RASAL2: variants seen among roughly 807,000 people sequenced by gnomAD.
RASAL2 encodes RAS protein activator like 2.
In RASAL2, 58 loss-of-function variants were observed where a neutral mutation model predicts 128.9. The observed-to-expected ratio is 0.45, with a 90% CI of 0.36 to 0.56. The LOEUF (loss-of-function observed/expected upper bound fraction) is 0.56, where lower values mean the gene tolerates loss of function less well. Ranked by LOEUF, RASAL2 falls within the 20% of genes least tolerant of loss-of-function variation. The pLI, the probability that RASAL2 is intolerant of heterozygous loss-of-function variation, is 0.00. For missense variants in RASAL2, 1,360 were observed against 1,601.6 expected, an observed-to-expected ratio of 0.85 and a Z score of 2.57; for synonymous variants, 561 against 580.8, an observed-to-expected ratio of 0.97 and a Z score of 0.49.
At chr1:178,458,722 T>C (rs1297191317) in intron 14 of RASAL2, among the ~76,000 whole-genome samples, 178 bp downstream of exon 14, 1 of 152,192 alleles carries the variant, frequency 6.6e-6, no homozygotes, top group African/African-American at 2.4e-5. Context: ...GACTACAGAA[T>C]GTAGTTTGAC....
At chr1:178,449,031 G>T (rs1459245457) in intron 9 of RASAL2, among the ~76,000 whole-genome samples, 1 of 152,140 alleles carries the variant, frequency 6.6e-6, no homozygotes, top group African/African-American at 2.4e-5. Context: ...CAGGACAGGG[G>T]CTGTATTGTC....
chr1:178,407,553 C>A (rs1674073865), intron 4 of RASAL2, among the ~76,000 whole-genome samples: 1 of 152,112 alleles, frequency 6.6e-6, no homozygotes, highest in South Asian at 2.1e-4. Context: ...CACCTGGGTC[C>A]TTTCTAGTTG....
chr1:178,445,526 G>C lies in RASAL2; in HGVS notation c.1491G>C (p.Leu497=), dbSNP rs1481468311. 1.2e-6 allele frequency: 2 copies of C among 1,613,004 alleles called. No homozygotes were observed. The highest frequency in any genetic ancestry group is 2.2e-5 in the South Asian group (2 of 90,858). ...LQSTGRAKDF[L]TDLVMSEVDR... is the part of the protein sequence containing the mutation. Reference sequence around the variant, plus strand: ...GAACATTATTCTACCAGGATTTTCTGACTGACTTGGTGATGTCTGAGGTGG... The same window carrying C: ...GAACATTATTCTACCAGGATTTTCTCACTGACTTGGTGATGTCTGAGGTGG... Residue 497 remains leucine (L), a synonymous_variant, in exon 9 of 18, where the codon CTG becomes CTC. Coordinates refer to ENST00000367649, the MANE Select transcript of RASAL2 (RefSeq NM_170692.4).
At chr1:178,102,593 A>G (rs1265891079) in intron 1 of RASAL2, among the ~76,000 whole-genome samples, 2 of 152,156 alleles carry the variant, frequency 1.3e-5, no homozygotes, top group Non-Finnish European at 2.9e-5. Flanking sequence ...TTTTTGTATT[A>G]ATACATATTT....
intron 1 of RASAL2, among the ~76,000 whole-genome samples, chr1:178,125,954 G>T (rs1558067631): frequency 6.6e-6 from 1 of 152,170 alleles, no homozygotes; most frequent in South Asian, 2.1e-4. Flanking sequence ...AGGAGCAAGG[G>T]CTGGTGCTAG....
chr1:178,180,485 C>CAAAAAAAA (rs71108033), intron 1 of RASAL2, among the ~76,000 whole-genome samples: 3 of 72,540 alleles, frequency 4.1e-5, no homozygotes, highest in African/African-American at 1.6e-4. Flanking sequence ...TCATCTCTAC[C>CAAAAAAAA]AAAAAAAAAA....
intron 1 of RASAL2, among the ~76,000 whole-genome samples, chr1:178,098,672 A>G (rs1037647646): frequency 3.9e-5 from 6 of 152,198 alleles, no homozygotes; most frequent in African/African-American, 1.4e-4. Flanking sequence ...AAATATAATC[A>G]GCACAAGAAA....
At chr1:178,196,089 A>G (rs1326322776) in intron 1 of RASAL2, among the ~76,000 whole-genome samples, 1 of 152,136 alleles carries the variant, frequency 6.6e-6, no homozygotes, top group Non-Finnish European at 1.5e-5. Flanking sequence ...GAACAGATGT[A>G]GAATGTTATA....
intron 1 of RASAL2, among the ~76,000 whole-genome samples, chr1:178,192,882 G>A (rs910043631): frequency 1.3e-5 from 2 of 152,070 alleles, no homozygotes; most frequent in African/African-American, 4.8e-5. Context: ...CTGCCCCTGG[G>A]GAAAGTGAGA....
At chr1:178,195,800 C>T (rs745690712) in intron 1 of RASAL2, among the ~76,000 whole-genome samples, 10 of 152,014 alleles carry the variant, frequency 6.6e-5, no homozygotes. Context: ...AAAAAATAAG[C>T]TAATTATGAT....
chr1:178,099,642 A>T lies in RASAL2; in HGVS notation c.202+4948A>T, dbSNP rs1246159927. 2.0e-5 allele frequency among the ~76,000 whole-genome samples: 3 copies of T among 152,250 alleles called. No individual in the cohort carries two copies. The East Asian group carries it at 5.8e-4, about 29-fold the overall frequency. On this transcript the variant is annotated intron_variant, in intron 1 of 17. Coordinates refer to ENST00000367649, the MANE Select transcript of RASAL2 (RefSeq NM_170692.4). Reference sequence around the variant, plus strand: ...TTTTCCAAAACCATTTGGACTAGACAGTTATGTTAATATTTCTGCAGTTAA... The same window carrying T: ...TTTTCCAAAACCATTTGGACTAGACTGTTATGTTAATATTTCTGCAGTTAA...
chr1:178,298,911 GAAAA>G (rs150584915), intron 2 of RASAL2, among the ~76,000 whole-genome samples: 1 of 143,108 alleles, frequency 7.0e-6, no homozygotes, highest in African/African-American at 2.6e-5. Flanking sequence ...AGGATTACCA[GAAAA>G]AAAAAACCCC....
chr1:178,116,863 G>A (rs189478052), intron 1 of RASAL2, among the ~76,000 whole-genome samples: 47 of 152,184 alleles, frequency 3.1e-4, no homozygotes, highest in Admixed American at 1.8e-3. Flanking sequence ...GCCTGCCTCC[G>A]CCTCCCAAAG....
intron 2 of RASAL2, among the ~76,000 whole-genome samples, chr1:178,295,063 T>C (rs985501283): frequency 4.6e-5 from 7 of 152,080 alleles, no homozygotes; most frequent in Non-Finnish European, 1.0e-4. Flanking sequence ...ACCTCAAAGT[T>C]GTGGAAATTG....
At chr1:178,107,969 G>A (rs1238133707) in intron 1 of RASAL2, among the ~76,000 whole-genome samples, 2 of 152,124 alleles carry the variant, frequency 1.3e-5, no homozygotes, top group East Asian at 1.9e-4. Flanking sequence ...TATATACCTA[G>A]GGGTGGAAAT....
chr1:178,437,533 T>TA (rs1676333332), intron 5 of RASAL2, among the ~76,000 whole-genome samples: 1 of 152,230 alleles, frequency 6.6e-6, no homozygotes, highest in East Asian at 1.9e-4. Flanking sequence ...CTAGAGAATT[T>TA]AAAAAATAAA....
chr1:178,331,711 C>T (rs1341290051), intron 3 of RASAL2, among the ~76,000 whole-genome samples: 1 of 151,338 alleles, frequency 6.6e-6, no homozygotes, highest in Non-Finnish European at 1.5e-5. Context: ...CTCAGCCTCC[C>T]GAATAGCTAG....
In RASAL2 at chr1:178,476,228, T is replaced by C. The variant is rs766311667; in HGVS notation, c.*2989T>C. On this transcript the variant is annotated 3_prime_UTR_variant, in exon 18 of 18. Transcript: ENST00000367649. ...AGGTGAAGTGCTTGTAAAGTGCATG[T>C]CTAGCTGACAACAGACTTGACCATT... 6.6e-6 allele frequency: 1 copy of C among 152,226 alleles called. No homozygotes were observed. Among genetic ancestry groups the C allele is most frequent in the Admixed American group, 6.5e-5 (1 of 15,278 alleles). 9.4% of individuals were successfully genotyped at this position (152,226 alleles called of 1,614,324 possible).
chr1:178,284,983 C>T (rs952665052), intron 2 of RASAL2, among the ~76,000 whole-genome samples: 2 of 152,038 alleles, frequency 1.3e-5, no homozygotes, highest in Non-Finnish European at 2.9e-5. Context: ...GCTCCTCCTT[C>T]CTTCCCTGTT....
Sources: allele counts gnomAD v4.1 joint callset (sites outside exome capture counted in the v4.1 genomes callset), GRCh38; gene constraint gnomAD v4.1.1; transcripts MANE v1.5; gene names NCBI Gene and HGNC (gene_info 2026-07-23, HGNC 2026-07-21).